The following SLC7A2 variants were observed in gnomAD, a reference collection of about 807,000 sequenced individuals.
SLC7A2 encodes the protein cationic amino acid transporter 2.
SLC7A2 carries 48 observed loss-of-function variants against 58.9 expected under a neutral mutation model. The observed-to-expected ratio is 0.82, with a 90% CI of 0.65 to 1.04. The LOEUF is 1.04. Ranked by LOEUF, SLC7A2 falls within the 50% of genes least tolerant of loss-of-function variation. The pLI, the probability that SLC7A2 is intolerant of heterozygous loss-of-function variation, is 0.00. For synonymous variants in SLC7A2, 363 were observed against 314.5 expected (o/e 1.15, Z -1.63); for missense variants, 1,029 against 818.8 (o/e 1.26, Z -3.13).
At chr8:17,557,046 T>C (rs17124844) in intron 8 of SLC7A2, among the ~76,000 whole-genome samples, 2,255 of 152,288 alleles carry the variant, frequency 0.015, 55 homozygotes, top group African/African-American at 0.051. Flanking sequence ...ATCTCTAAGA[T>C]GGGGATAATT....
At chr8:17,545,029 G>T (rs889944794) in intron 4 of SLC7A2, among the ~76,000 whole-genome samples, 1 of 152,166 alleles carries the variant, frequency 6.6e-6, no homozygotes, top group African/African-American at 2.4e-5. Context: ...TCTATATAAT[G>T]TAGGCCTTTG....
chr8:17,498,284 C>A (rs755437774), intron 1 of SLC7A2, among the ~76,000 whole-genome samples: 1 of 152,156 alleles, frequency 6.6e-6, no homozygotes, highest in African/African-American at 2.4e-5. Flanking sequence ...CCAGGGCCGC[C>A]TGGGTTATAA....
At position 17,528,305 on chromosome 8, in the gene SLC7A2, C is replaced by T. The variant is rs116869059; in HGVS notation, c.-22-15013C>T. On this transcript the variant is annotated intron_variant, in intron 2 of 12. Transcript: ENST00000494857. ...ATTAGGCTTTATATTTGCCTCCCTA[C>T]ATCTGGAACCCTTTGTTTTCTTGAG... Among the ~76,000 whole-genome samples, 90 of 152,300 alleles carry T rather than the reference C, an allele frequency of 5.9e-4. No individual in the cohort carries two copies. In the Middle Eastern group the frequency reaches 0.01, roughly 17 times the overall value.
At chr8:17,506,183 C>A (rs1233889970) in intron 2 of SLC7A2, among the ~76,000 whole-genome samples, 1 of 152,146 alleles carries the variant, frequency 6.6e-6, no homozygotes, top group Non-Finnish European at 1.5e-5. Flanking sequence ...CTTTTACATG[C>A]CATTCAGAGA....
At chr8:17,514,310 C>T (rs1285404407) in intron 2 of SLC7A2, among the ~76,000 whole-genome samples, 1 of 143,864 alleles carries the variant, frequency 7.0e-6, no homozygotes, top group African/African-American at 2.5e-5. Flanking sequence ...GAGTTGGGAG[C>T]AGTGATTGAT....
At chr8:17,509,022 G>A (rs144692960) in intron 2 of SLC7A2, among the ~76,000 whole-genome samples, 23 of 152,124 alleles carry the variant, frequency 1.5e-4, no homozygotes, top group Non-Finnish European at 3.1e-4. Flanking sequence ...GTGTAAGGCA[G>A]GCGAATGATA....
chr8:17,499,067 G>C (rs942643852), intron 1 of SLC7A2: 1 of 152,152 alleles, frequency 6.6e-6, no homozygotes, highest in African/African-American at 2.4e-5. Flanking sequence ...CCCCATTCTA[G>C]GTGGTCTACC....
At chr8:17,528,607 A>G (rs1177851170) in intron 2 of SLC7A2, among the ~76,000 whole-genome samples, 1 of 152,072 alleles carries the variant, frequency 6.6e-6, no homozygotes. Context: ...TCAAACTCCT[A>G]GGGCAGTCAA....
intron 2 of SLC7A2, among the ~76,000 whole-genome samples, chr8:17,518,218 C>G (rs199841672): frequency 1.9e-4 from 28 of 144,124 alleles, no homozygotes; most frequent in Admixed American, 1.1e-3. Context: ...TCTTTTCTTT[C>G]TTTTTTTTTT....
At chr8:17,542,313 A>C (rs1478421542) in intron 2 of SLC7A2, among the ~76,000 whole-genome samples, 2 of 152,182 alleles carry the variant, frequency 1.3e-5, no homozygotes, top group Non-Finnish European at 2.9e-5. Context: ...GTAAGAGATC[A>C]TTCTACACAT....
intron 8 of SLC7A2, among the ~76,000 whole-genome samples, chr8:17,556,941 A>C (rs2720588): frequency 0.29 from 43,748 of 152,004 alleles, 6,580 homozygotes; most frequent in East Asian, 0.38. Flanking sequence ...GCAGTGTGTT[A>C]AAAGAAACAC....
At chr8:17,532,011 T>G (rs1054841291) in intron 2 of SLC7A2, among the ~76,000 whole-genome samples, 1 of 151,904 alleles carries the variant, frequency 6.6e-6, no homozygotes, top group African/African-American at 2.4e-5. Flanking sequence ...GCAGATCACC[T>G]GAGGTCAGGA....
chr8:17,565,303 A>G lies in SLC7A2; in HGVS notation c.*157A>G, dbSNP rs950078943. 2 of 611,854 alleles carry G rather than the reference A, an allele frequency of 3.3e-6. No individual in the cohort carries two copies. The highest frequency in any genetic ancestry group is 4.3e-5 in the South Asian group (2 of 46,888). The allele number at this position is 611,854 out of a possible 1,614,324, so 37.9% of individuals were successfully genotyped here. On this transcript the variant is annotated 3_prime_UTR_variant, in exon 13 of 13. Transcript: ENST00000494857. ...ACTCATCTGGACAGCATCTCCTCAG[A>G]TGGTGAATTATGTGCACGGGGAAAC...
At chr8:17,537,496 C>T (rs776831409) in intron 2 of SLC7A2, among the ~76,000 whole-genome samples, 3 of 152,164 alleles carry the variant, frequency 2.0e-5, no homozygotes, top group Non-Finnish European at 4.4e-5. Flanking sequence ...TCTAATTGAG[C>T]ATTCCCAGCC....
chr8:17,557,045 A>C (rs548464046), intron 8 of SLC7A2, among the ~76,000 whole-genome samples: 1 of 152,296 alleles, frequency 6.6e-6, no homozygotes, highest in Admixed American at 6.5e-5. Context: ...TATCTCTAAG[A>C]TGGGGATAAT....
intron 2 of SLC7A2, among the ~76,000 whole-genome samples, chr8:17,503,361 T>C (rs1325409719): frequency 6.6e-6 from 1 of 152,148 alleles, no homozygotes; most frequent in Non-Finnish European, 1.5e-5. Flanking sequence ...AAAACATCTT[T>C]ATTGAAAAAA....
chr8:17,506,527 A>G (rs1024372680), intron 2 of SLC7A2, among the ~76,000 whole-genome samples: 7 of 152,294 alleles, frequency 4.6e-5, no homozygotes, highest in Admixed American at 2.6e-4. Flanking sequence ...ACAGTTATCA[A>G]GTTTCTGGCA....
chr8:17,505,392 C>T (rs574524441), intron 2 of SLC7A2, among the ~76,000 whole-genome samples: 1 of 152,146 alleles, frequency 6.6e-6, no homozygotes, highest in South Asian at 2.1e-4. Flanking sequence ...CAAGTTGGGG[C>T]TGAGAACTGG....
intron 2 of SLC7A2, among the ~76,000 whole-genome samples, chr8:17,511,678 A>G (rs923500048): frequency 1.2e-4 from 18 of 152,378 alleles, no homozygotes; most frequent in African/African-American, 3.6e-4. Context: ...ACTGGCAGAA[A>G]TAACTGAAGG....
Sources: allele counts gnomAD v4.1 joint callset (sites outside exome capture counted in the v4.1 genomes callset), GRCh38; gene constraint gnomAD v4.1.1; transcripts MANE v1.5; gene names NCBI Gene and HGNC (gene_info 2026-07-23, HGNC 2026-07-21).